JADE3: variants seen among roughly 807,000 people sequenced by gnomAD.
The protein encoded by JADE3 is jade family PHD finger 3.
Under a neutral mutation model 50.1 loss-of-function variants are expected in JADE3, and 2 were observed. The ratio of observed to expected loss-of-function variants is 0.04; its 90% CI spans 0.02 to 0.13. The LOEUF (loss-of-function observed/expected upper bound fraction) is 0.13. Ranked by LOEUF, JADE3 falls within the 10% of genes least tolerant of loss-of-function variation. The probability of loss-of-function intolerance (pLI) is 1.00; values close to 1 mark genes in which losing one functional copy is unlikely to be tolerated. For synonymous variants in JADE3, 218 were observed against 232.9 expected (o/e 0.94, Z 0.58); for missense variants, 475 against 634.4 (o/e 0.75, Z 2.70).
chrX:47,038,846 T>G, intron 7 of JADE3, 103 bp from the exon 8 acceptor site: 1 of 489,672 alleles, frequency 2.0e-6, no homozygotes, highest in Non-Finnish European at 3.6e-6. Context: ...ACTTACCTCA[T>G]TGTTTTGATG....
chrX:46,968,261 AT>A (rs1376010096), intron 1 of JADE3, among the ~76,000 whole-genome samples: 1 of 112,068 alleles, frequency 8.9e-6, no homozygotes, highest in Admixed American at 9.4e-5. Context: ...TTTTGAGTTA[AT>A]TTTTTATTTT....
intron 1 of JADE3, among the ~76,000 whole-genome samples, chrX:46,957,310 G>A (rs374537514): frequency 1.1e-3 from 125 of 111,710 alleles, no homozygotes; most frequent in Non-Finnish European, 2.1e-3. Context: ...TACATAAATG[G>A]TGGTATTATG....
intron 1 of JADE3, among the ~76,000 whole-genome samples, chrX:46,960,239 CA>C (rs34554287): frequency 0.011 from 1,076 of 97,969 alleles, 16 homozygotes; most frequent in African/African-American, 0.037. Context: ...ATCTGTGCAA[CA>C]AAAAAAAAAA....
chrX:46,921,956 C>T (rs192200805), intron 1 of JADE3, among the ~76,000 whole-genome samples: 180 of 105,028 alleles, frequency 1.7e-3, no homozygotes, highest in Non-Finnish European at 3.1e-3. Flanking sequence ...TTCTGGGATA[C>T]ATGTACAGAA....
intron 9 of JADE3, among the ~76,000 whole-genome samples, chrX:47,055,127 G>A (rs782655475): frequency 9.0e-6 from 1 of 110,529 alleles, no homozygotes; most frequent in Admixed American, 9.7e-5. Context: ...AGTAGCACCC[G>A]CACACACACC....
At chrX:47,046,055 A>G (rs897478088) in intron 8 of JADE3, among the ~76,000 whole-genome samples, 1 of 111,513 alleles carries the variant, frequency 9.0e-6, no homozygotes, top group African/African-American at 3.2e-5. Flanking sequence ...AAATAAGTGA[A>G]GTTGAAATGG....
chrX:47,007,787 C>A (rs1475093710), intron 4 of JADE3, among the ~76,000 whole-genome samples: 1 of 101,462 alleles, frequency 9.9e-6, no homozygotes, highest in Admixed American at 1.1e-4. Flanking sequence ...TATGTTAGGA[C>A]TTCAGCGTGT....
chrX:47,019,590 C>A (rs963727232), intron 4 of JADE3, among the ~76,000 whole-genome samples: 4 of 111,925 alleles, frequency 3.6e-5, no homozygotes, highest in African/African-American at 1.3e-4. Context: ...CAAACCTTTA[C>A]AAAACCTATG....
intron 1 of JADE3, among the ~76,000 whole-genome samples, chrX:46,927,839 G>C (rs1926403953): frequency 8.9e-6 from 1 of 111,981 alleles, no homozygotes; most frequent in Admixed American, 9.5e-5. Context: ...GGCTCAGTCT[G>C]AGCAGGCACC....
intron 1 of JADE3, among the ~76,000 whole-genome samples, chrX:46,958,305 G>A (rs1927179054): frequency 8.9e-6 from 1 of 112,275 alleles, no homozygotes; most frequent in African/African-American, 3.2e-5. Context: ...CTTTACATAT[G>A]TTCTAGTTAA....
At chrX:46,929,976 G>C (rs1347971555) in intron 1 of JADE3, among the ~76,000 whole-genome samples, 2 of 111,968 alleles carry the variant, frequency 1.8e-5, no homozygotes, top group Non-Finnish European at 3.8e-5. Context: ...GGGATAGTGT[G>C]GTAGAGTACT....
intron 3 of JADE3, among the ~76,000 whole-genome samples, chrX:46,991,004 G>T (rs188666211): frequency 1.4e-4 from 13 of 92,047 alleles, no homozygotes; most frequent in Admixed American, 5.5e-4. Flanking sequence ...CTCTCATGTT[G>T]TAACATGTAT....
At chrX:47,053,009 T>C (rs1000469621) in intron 8 of JADE3, among the ~76,000 whole-genome samples, 14 of 110,488 alleles carry the variant, frequency 1.3e-4, no homozygotes, top group Non-Finnish European at 2.3e-4. Flanking sequence ...TGAGCCGAGA[T>C]TGCACCACTG....
intron 1 of JADE3, among the ~76,000 whole-genome samples, chrX:46,914,085 T>A (rs182474023): frequency 6.1e-4 from 68 of 111,679 alleles, no homozygotes; most frequent in Non-Finnish European, 1.9e-4. Context: ...TGGGAAGTAA[T>A]GAAAAATAAT....
chrX:47,032,871 G>A lies in JADE3; in HGVS notation c.688-750G>A, dbSNP rs1257544469. ...ATTTTGAAGCTGCCATATTGAATCA[G>A]TTAGTCTCTAATAGAGTAGAGCAGT... On this transcript the variant is annotated intron_variant, in intron 6 of 10. Coordinates refer to ENST00000614628, the MANE Select transcript of JADE3 (RefSeq NM_014735.5). Among the ~76,000 whole-genome samples, 18 of 111,480 alleles carry A rather than the reference G, an allele frequency of 1.6e-4. 1 individual carries two copies. Among genetic ancestry groups the A allele is most frequent in the Admixed American group, 1.5e-3 (16 of 10,468 alleles).
intron 3 of JADE3, among the ~76,000 whole-genome samples, chrX:46,987,519 T>C (rs1366395863): frequency 8.9e-6 from 1 of 112,392 alleles, no homozygotes; most frequent in African/African-American, 3.2e-5. Flanking sequence ...CCAGAGAGCA[T>C]TTCTCTCTTC....
At chrX:46,922,664 T>A (rs782021746) in intron 1 of JADE3, among the ~76,000 whole-genome samples, 11 of 111,361 alleles carry the variant, frequency 9.9e-5, no homozygotes, top group Non-Finnish European at 1.9e-4. Context: ...GTTTTTTTTT[T>A]AATTTCTAGC....
Position 47,050,164 on chromosome X carries a change from G to A in JADE3, c.973-3994G>A, listed in dbSNP as rs1254778787. On this transcript the variant is annotated intron_variant, in intron 8 of 10. Transcript: ENST00000614628. ...ACCCAGGCTGGTCTCAAACCTTTGA[G>A]CTCAAGCGATCCTCTTGCCTCAGCC... is the stretch of plus-strand genomic sequence containing the variant. Among the ~76,000 whole-genome samples the A allele has an allele frequency of 2.0e-4, 22 of 109,475 alleles. No individual in the cohort carries two copies. The Admixed American group carries it at 2.2e-3, about 11-fold the overall frequency.
chrX:47,012,703 T>C (rs1351135650), intron 4 of JADE3, among the ~76,000 whole-genome samples: 1 of 111,355 alleles, frequency 9.0e-6, no homozygotes, highest in Non-Finnish European at 1.9e-5. Context: ...TAAGCCAAGG[T>C]CAAGAAGTTT....
Sources: allele counts gnomAD v4.1 joint callset (sites outside exome capture counted in the v4.1 genomes callset), GRCh38; gene constraint gnomAD v4.1.1; transcripts MANE v1.5; gene names NCBI Gene and HGNC (gene_info 2026-07-23, HGNC 2026-07-21).